The following PACRG variants were observed in gnomAD, a reference collection of about 807,000 sequenced individuals.
PACRG encodes the protein parkin coregulated gene protein.
Under a neutral mutation model 29.7 loss-of-function variants are expected in PACRG, and 29 were observed. The observed-to-expected ratio is 0.98, with a 90% CI of 0.73 to 1.33. The LOEUF (loss-of-function observed/expected upper bound fraction) is 1.33, where lower values mean the gene tolerates loss of function less well. Ranked by LOEUF, PACRG falls within the 40% of genes most tolerant of loss-of-function variation. The pLI, the probability that PACRG is intolerant of heterozygous loss-of-function variation, is 0.00. For synonymous variants in PACRG, 116 were observed against 118.7 expected (o/e 0.98, Z 0.15); for missense variants, 279 against 316.2 (o/e 0.88, Z 0.89).
At chr6:162,800,035 T>C (rs2128339278) in intron 1 of PACRG, among the ~76,000 whole-genome samples, 1 of 152,302 alleles carries the variant, frequency 6.6e-6, no homozygotes, top group South Asian at 2.1e-4. Context: ...GTGTATTAGC[T>C]AAGCTGTCTC....
intron 2 of PACRG, among the ~76,000 whole-genome samples, chr6:162,846,263 A>C (rs1182197656): frequency 6.6e-6 from 1 of 152,152 alleles, no homozygotes; most frequent in African/African-American, 2.4e-5. Flanking sequence ...AGGGAGCACA[A>C]CTTCACAGGA....
chr6:163,092,941 C>T (rs1814245577), intron 4 of PACRG, among the ~76,000 whole-genome samples: 1 of 152,202 alleles, frequency 6.6e-6, no homozygotes, highest in Admixed American at 6.5e-5. Flanking sequence ...TGTCGCTTGG[C>T]CCTCTGTGAG....
intron 3 of PACRG, among the ~76,000 whole-genome samples, chr6:163,072,252 C>T (rs578011002): frequency 2.0e-5 from 3 of 152,114 alleles, no homozygotes; most frequent in African/African-American, 7.2e-5. Flanking sequence ...TCATCATGAC[C>T]AAGTGAGATT....
At chr6:163,284,602 A>G (rs1784329727) in intron 4 of PACRG, among the ~76,000 whole-genome samples, 1 of 152,230 alleles carries the variant, frequency 6.6e-6, no homozygotes, top group Non-Finnish European at 1.5e-5. Flanking sequence ...GTTTTAAAGC[A>G]AGAAATAAAA....
At chr6:162,997,377 C>T (rs563181221) in intron 2 of PACRG, 26 of 451,060 alleles carry the variant, frequency 5.8e-5, no homozygotes, top group Middle Eastern at 3.3e-4. Flanking sequence ...TGTAGTCAAA[C>T]CAGCAACACT....
intron 4 of PACRG, among the ~76,000 whole-genome samples, chr6:163,242,566 C>T (rs1262574605): frequency 6.6e-6 from 1 of 152,140 alleles, no homozygotes; most frequent in Non-Finnish European, 1.5e-5. Flanking sequence ...TTTCTAGCAC[C>T]AGGCACAGAA....
chr6:162,921,368 G>C (rs887259056), intron 2 of PACRG, among the ~76,000 whole-genome samples: 2 of 152,166 alleles, frequency 1.3e-5, no homozygotes, highest in Non-Finnish European at 1.5e-5. Context: ...AGTGTAAGAA[G>C]GAAGTCAGTA....
At chr6:162,955,033 C>T (rs1799913626) in intron 2 of PACRG, among the ~76,000 whole-genome samples, 1 of 152,162 alleles carries the variant, frequency 6.6e-6, no homozygotes, top group Admixed American at 6.5e-5. Context: ...ATTATGTAGA[C>T]ATAACCATTA....
chr6:162,822,874 CACATGTATTATA>C lies in PACRG; in HGVS notation c.291+8610_291+8621del, dbSNP rs1056884540. 3.4e-4 allele frequency among the ~76,000 whole-genome samples: 52 copies of C among 152,072 alleles called. 1 individual carries two copies. In the East Asian group the frequency reaches 6.2e-3, roughly 18 times the overall value. ...ATATGTTATGTTAGGTATATTATAA[CACATGTATTATA>C]ACATGTATTATAACATATATGTATA... On this transcript the variant is annotated intron_variant, in intron 2 of 4. Transcript: ENST00000366888.
At chr6:163,123,143 G>A (rs532298694) in intron 4 of PACRG, among the ~76,000 whole-genome samples, 36 of 152,362 alleles carry the variant, frequency 2.4e-4, no homozygotes, top group African/African-American at 7.9e-4. Flanking sequence ...CTGGAGGCTG[G>A]AGGAGGCGGT....
intron 1 of PACRG, among the ~76,000 whole-genome samples, chr6:162,750,431 T>C (rs932681083): frequency 1.3e-5 from 2 of 152,236 alleles, no homozygotes; most frequent in African/African-American, 2.4e-5. Context: ...AGACCATGTA[T>C]TCCTAAGGCT....
chr6:163,064,974 A>G (rs1471575669), intron 3 of PACRG, among the ~76,000 whole-genome samples: 3 of 152,150 alleles, frequency 2.0e-5, no homozygotes, highest in Non-Finnish European at 4.4e-5. Context: ...TAGAAGGCTG[A>G]TAATACTGGA....
chr6:163,261,034 C>G (rs1329597007), intron 4 of PACRG, among the ~76,000 whole-genome samples: 1 of 152,036 alleles, frequency 6.6e-6, no homozygotes, highest in African/African-American at 2.4e-5. Flanking sequence ...CCATTCCAAG[C>G]AGAGTTCGAA....
At chr6:163,032,249 A>T (rs1807735756) in intron 2 of PACRG, among the ~76,000 whole-genome samples, 2 of 152,220 alleles carry the variant, frequency 1.3e-5, no homozygotes, top group African/African-American at 4.8e-5. Context: ...AAAGTTAAAA[A>T]ATATTACTTT....
chr6:163,260,117 C>T (rs1450921061), intron 4 of PACRG, among the ~76,000 whole-genome samples: 1 of 152,202 alleles, frequency 6.6e-6, no homozygotes, highest in Non-Finnish European at 1.5e-5. Flanking sequence ...TCTCATCCCC[C>T]TTCCCTTCCC....
chr6:163,065,338 G>A (rs1811441855), intron 3 of PACRG, among the ~76,000 whole-genome samples: 1 of 151,944 alleles, frequency 6.6e-6, no homozygotes, highest in Non-Finnish European at 1.5e-5. Context: ...TCTGGATCGG[G>A]GATTACAGAT....
intron 2 of PACRG, among the ~76,000 whole-genome samples, chr6:163,004,790 A>G (rs1475794872): frequency 6.6e-6 from 1 of 150,642 alleles, no homozygotes; most frequent in Non-Finnish European, 1.5e-5. Context: ...TGGGATTTAA[A>G]CTATTTTCTA....
At chr6:162,955,491 G>A (rs117297096) in intron 2 of PACRG, among the ~76,000 whole-genome samples, 206 of 152,170 alleles carry the variant, frequency 1.4e-3, no homozygotes, top group Non-Finnish European at 2.4e-3. Flanking sequence ...AGTAGATACC[G>A]GGTTTGCCCA....
intron 4 of PACRG, chr6:163,095,524 A>G: frequency 1.2e-6 from 1 of 822,900 alleles, no homozygotes. Flanking sequence ...TCTGGAGGCT[A>G]CGAGTTAAAG....
Sources: gnomAD v4.1 joint callset for allele counts (sites outside exome capture counted in the v4.1 genomes callset) on GRCh38, gnomAD v4.1.1 for gene constraint, MANE v1.5 for transcripts, NCBI Gene and HGNC (gene_info 2026-07-23, HGNC 2026-07-21) for gene names.